The following PYM1 variants were observed in gnomAD, a reference collection of about 807,000 sequenced individuals.
PYM1 encodes partner of Y14 and mago.
A neutral mutation model predicts 20.7 loss-of-function variants in PYM1; 7 were observed. The observed-to-expected ratio is 0.34, with a 90% CI of 0.19 to 0.64. The LOEUF (loss-of-function observed/expected upper bound fraction) is 0.64, where lower values mean the gene tolerates loss of function less well. PYM1 is among the 30% of genes least tolerant of loss of function. The pLI, the probability that PYM1 is intolerant of heterozygous loss-of-function variation, is 0.74. For synonymous variants in PYM1, 100 were observed against 99.2 expected (o/e 1.01, Z -0.05); for missense variants, 194 against 250.0 (o/e 0.78, Z 1.51).
chr12:55,906,648 T>G (rs886334109), intron 1 of PYM1, among the ~76,000 whole-genome samples: 1 of 152,144 alleles, frequency 6.6e-6, no homozygotes, highest in African/African-American at 2.4e-5. Flanking sequence ...TTATTTTATT[T>G]ATTTATTGAT....
At chr12:55,907,479 A>G (rs900506236) in intron 1 of PYM1, among the ~76,000 whole-genome samples, 21 of 148,608 alleles carry the variant, frequency 1.4e-4, no homozygotes, top group Non-Finnish European at 2.6e-4. Context: ...AAAAAAAAAA[A>G]AAAAATTAGC....
At chr12:55,906,743 G>C (rs550173215) in intron 1 of PYM1, among the ~76,000 whole-genome samples, 7 of 152,150 alleles carry the variant, frequency 4.6e-5, no homozygotes. Flanking sequence ...CCTCCTCCCA[G>C]ATTCAAGTGA....
chr12:55,921,303 T>A (rs1883093745), intron 1 of PYM1, among the ~76,000 whole-genome samples: 1 of 152,228 alleles, frequency 6.6e-6, no homozygotes, highest in Non-Finnish European at 1.5e-5. Flanking sequence ...TAAATTTTAA[T>A]ACGCATAATA....
chr12:55,922,309 T>A (rs981780377), intron 1 of PYM1, among the ~76,000 whole-genome samples: 11 of 151,990 alleles, frequency 7.2e-5, no homozygotes. Flanking sequence ...TGCCAGATGA[T>A]CACGGTCAAT....
intron 1 of PYM1, among the ~76,000 whole-genome samples, chr12:55,907,059 T>A (rs1592635667): frequency 2.0e-5 from 3 of 147,724 alleles, no homozygotes; most frequent in South Asian, 4.4e-4. Context: ...TTAATACATA[T>A]CAAACATATA....
At chr12:55,925,494 A>G (rs1883172678) in intron 1 of PYM1, among the ~76,000 whole-genome samples, 1 of 152,230 alleles carries the variant, frequency 6.6e-6, no homozygotes. Context: ...CTATGAAATC[A>G]GAATATTCCA....
At chr12:55,915,777 G>A (rs1425753541) in intron 1 of PYM1, among the ~76,000 whole-genome samples, 3 of 152,036 alleles carry the variant, frequency 2.0e-5, no homozygotes, top group Non-Finnish European at 4.4e-5. Flanking sequence ...TGACACTAAA[G>A]ACTAGAAAGT....
chr12:55,927,354 A>G (rs1205061432), intron 1 of PYM1: 5 of 730,262 alleles, frequency 6.8e-6, no homozygotes, highest in Admixed American at 2.0e-5. Flanking sequence ...AACAGTCCTC[A>G]GGGAGCCAAG....
chr12:55,918,394 C>G (rs1453451034), intron 1 of PYM1, among the ~76,000 whole-genome samples: 1 of 152,062 alleles, frequency 6.6e-6, no homozygotes, highest in Non-Finnish European at 1.5e-5. Flanking sequence ...GCCACTGCGC[C>G]CAACCACAAA....
intron 1 of PYM1, chr12:55,927,018 G>A: frequency 6.8e-7 from 1 of 1,471,710 alleles, no homozygotes; most frequent in Non-Finnish European, 9.0e-7. Flanking sequence ...CCCTTTCCAA[G>A]TCCGAACCCC....
In PYM1 at chr12:55,911,183, A is replaced by G. The variant is rs192528961; in HGVS notation, c.38-7703T>C. On this transcript the variant is annotated intron_variant, in intron 1 of 2. Transcript: ENST00000408946. ...GAGTGCAGTGGCACCATCTCTGCTC[A>G]CTGCAACCTCCGCCTCCCAGGTTCA... Among the ~76,000 whole-genome samples the G allele has an allele frequency of 7.6e-4, 115 of 152,272 alleles. 4 individuals carry two copies. The East Asian group carries it at 0.019, about 26-fold the overall frequency.
At chr12:55,915,298 A>G (rs2136264622) in intron 1 of PYM1, among the ~76,000 whole-genome samples, 1 of 151,464 alleles carries the variant, frequency 6.6e-6, no homozygotes, top group Non-Finnish European at 1.5e-5. Context: ...GAGAACTGAG[A>G]AAAAGGTTCT....
chr12:55,918,710 A>G (rs1442500940), intron 1 of PYM1, among the ~76,000 whole-genome samples: 1 of 152,164 alleles, frequency 6.6e-6, no homozygotes, highest in African/African-American at 2.4e-5. Context: ...TCTACTAAAA[A>G]TACAAAAATT....
At chr12:55,908,240 C>A (rs1183275192) in intron 1 of PYM1, among the ~76,000 whole-genome samples, 9 of 150,716 alleles carry the variant, frequency 6.0e-5, no homozygotes, top group Non-Finnish European at 8.9e-5. Flanking sequence ...AAGACTCCAT[C>A]TCAAAAAGTA....
At chr12:55,902,683 G>C (rs1882715718) in intron 2 of PYM1, among the ~76,000 whole-genome samples, 2 of 151,292 alleles carry the variant, frequency 1.3e-5, no homozygotes, top group South Asian at 4.2e-4. Context: ...CACCATGTTG[G>C]TCAGGCTGGT....
chr12:55,901,722 G>T lies in PYM1; in HGVS notation c.*150C>A. The T allele has an allele frequency of 8.8e-7, 1 of 1,131,944 alleles. No homozygotes were observed. The highest frequency in any genetic ancestry group is 1.2e-6 in the Non-Finnish European group (1 of 802,690). 70.1% of individuals were successfully genotyped at this position (1,131,944 alleles called of 1,614,324 possible). A position where few individuals can be genotyped will look rare whatever the true frequency, so the allele number is the denominator to read the frequency against. ...AGAAAAGGGAAGGATTGAGGGAGAC[G>T]CTAGGCTCTGGAGGACAGAGCTGGG... is the stretch of plus-strand genomic sequence containing the variant. On this transcript the variant is annotated 3_prime_UTR_variant, in exon 3 of 3. Transcript: ENST00000408946.
intron 1 of PYM1, 78 bp from the exon 2 acceptor site, chr12:55,903,558 T>C: frequency 7.2e-7 from 1 of 1,392,462 alleles, no homozygotes; most frequent in Admixed American, 1.8e-5. Context: ...TGTATAAATG[T>C]ACATACCATC....
At chr12:55,914,680 A>C (rs1419319312) in intron 1 of PYM1, among the ~76,000 whole-genome samples, 2 of 152,216 alleles carry the variant, frequency 1.3e-5, no homozygotes, top group African/African-American at 4.8e-5. Flanking sequence ...ATAAGAAAAG[A>C]GATCTAAGTC....
chr12:55,905,148 CCT>C (rs2136257435), intron 1 of PYM1, among the ~76,000 whole-genome samples: 1 of 150,648 alleles, frequency 6.6e-6, no homozygotes, highest in South Asian at 2.1e-4. Flanking sequence ...ACTACAGGCG[CCT>C]GCCACCACAC....
Sources: allele counts gnomAD v4.1 joint callset (sites outside exome capture counted in the v4.1 genomes callset), GRCh38; gene constraint gnomAD v4.1.1; transcripts MANE v1.5; gene names NCBI Gene and HGNC (gene_info 2026-07-23, HGNC 2026-07-21).